GRIK4: variants seen among roughly 807,000 people sequenced by gnomAD.
GRIK4 encodes glutamate ionotropic receptor kainate type subunit 4.
Under a neutral mutation model 104.9 loss-of-function variants are expected in GRIK4, and 40 were observed. The observed-to-expected ratio is 0.38, with a 90% CI of 0.30 to 0.50. The LOEUF (loss-of-function observed/expected upper bound fraction) is 0.50, where lower values mean the gene tolerates loss of function less well. GRIK4 is among the 20% of genes least tolerant of loss of function. GRIK4 has a pLI of 0.93. For synonymous variants in GRIK4, 485 were observed against 524.9 expected, an observed-to-expected ratio of 0.92 and a Z score of 1.04; for missense variants, 1,047 against 1,308.1, an observed-to-expected ratio of 0.80 and a Z score of 3.08.
chr11:120,695,624 G>A lies in GRIK4; in HGVS notation c.82+35224G>A, dbSNP rs1393920152. Among the ~76,000 whole-genome samples the A allele has an allele frequency of 4.0e-5, 6 of 151,810 alleles. No individual in the cohort carries two copies. In the East Asian group the frequency reaches 5.8e-4, roughly 15 times the overall value. On this transcript the variant is annotated intron_variant, in intron 3 of 20. Transcript: ENST00000527524. ...TACCCACTGCCTCCCAGGCCTGGAC[G>A]GCCGCCACGGGTGGGAGGCAGGGCT...
At chr11:120,613,620 G>A (rs1949066770) in intron 1 of GRIK4, among the ~76,000 whole-genome samples, 1 of 152,246 alleles carries the variant, frequency 6.6e-6, no homozygotes, top group African/African-American at 2.4e-5. Flanking sequence ...ATGATGTGCA[G>A]GGATTCATGC....
chr11:120,644,044 T>TGTGTGTGAGA (rs1446673011), intron 1 of GRIK4, among the ~76,000 whole-genome samples: 16 of 112,638 alleles, frequency 1.4e-4, no homozygotes, highest in African/African-American at 5.7e-4. Flanking sequence ...TGTGTGTGTG[T>TGTGTGTGAGA]GAGAGAGAGA....
At chr11:120,691,584 C>G (rs919283636) in intron 3 of GRIK4, among the ~76,000 whole-genome samples, 1 of 152,186 alleles carries the variant, frequency 6.6e-6, no homozygotes, top group African/African-American at 2.4e-5. Context: ...CTCTATGCAG[C>G]CTCCTTTAAA....
chr11:120,985,856 A>AC, intron 20 of GRIK4, 48 bp from the exon 21 acceptor site: 1 of 1,540,020 alleles, frequency 6.5e-7, no homozygotes, highest in Non-Finnish European at 8.8e-7. Context: ...CAGGGGGCCC[A>AC]CGGGGGCTGG....
At chr11:120,591,367 G>A (rs943909673) in intron 1 of GRIK4, among the ~76,000 whole-genome samples, 3 of 152,168 alleles carry the variant, frequency 2.0e-5, no homozygotes, top group South Asian at 2.1e-4. Flanking sequence ...GATGGGCCTA[G>A]GCATGACTGT....
rs114087471 is a variant in GRIK4, at chr11:120,919,131, A to G, written c.1476+13638A>G. On this transcript the variant is annotated intron_variant, in intron 13 of 20. Transcript: ENST00000527524. The stretch of plus-strand genomic sequence containing the variant: ...GTGCCGTCAAGTCAGACCTTGATAG[A>G]CAAGTAGGAATTTGACAGGCGACAA... 7.5e-3 allele frequency among the ~76,000 whole-genome samples: 1,139 copies of G among 152,300 alleles called. 19 individuals carry two copies. Among genetic ancestry groups the G allele is most frequent in the African/African-American group, 0.026 (1,091 of 41,562 alleles).
At chr11:120,896,407 AAC>A (rs540676566) in intron 11 of GRIK4, among the ~76,000 whole-genome samples, 47 of 152,352 alleles carry the variant, frequency 3.1e-4, no homozygotes, top group African/African-American at 1.1e-3. Flanking sequence ...AAGGAACATG[AAC>A]ACACACAGAA....
chr11:120,645,583 C>T (rs1408757915), intron 1 of GRIK4, among the ~76,000 whole-genome samples: 3 of 152,196 alleles, frequency 2.0e-5, no homozygotes, highest in Admixed American at 2.0e-4. Flanking sequence ...ACTTCAATGC[C>T]AGAAATCCTT....
At chr11:120,893,967 G>T (rs751185272) in intron 11 of GRIK4, among the ~76,000 whole-genome samples, 36 of 152,298 alleles carry the variant, frequency 2.4e-4, no homozygotes, top group Admixed American at 4.6e-4. Flanking sequence ...TAGGGCCCAA[G>T]AATTTGCATT....
At chr11:120,598,734 C>T (rs1036267871) in intron 1 of GRIK4, among the ~76,000 whole-genome samples, 2 of 152,248 alleles carry the variant, frequency 1.3e-5, no homozygotes, top group African/African-American at 4.8e-5. Context: ...CTTCCTCACA[C>T]ATTCTCCATG....
intron 3 of GRIK4, among the ~76,000 whole-genome samples, chr11:120,769,402 A>G (rs546070761): frequency 6.6e-6 from 1 of 152,336 alleles, no homozygotes; most frequent in South Asian, 2.1e-4. Context: ...AAACTTTGCC[A>G]TTATAGCACA....
chr11:120,879,436 A>G (rs925030049), intron 11 of GRIK4, among the ~76,000 whole-genome samples: 1 of 152,268 alleles, frequency 6.6e-6, no homozygotes, highest in African/African-American at 2.4e-5. Context: ...AGCCCCACGC[A>G]GCGACCTGCT....
chr11:120,705,639 G>A (rs938110259), intron 3 of GRIK4, among the ~76,000 whole-genome samples: 2 of 152,178 alleles, frequency 1.3e-5, no homozygotes, highest in African/African-American at 4.8e-5. Context: ...TCCAATCCAT[G>A]AAAACGAAAT....
chr11:120,536,651 T>C (rs369671094), intron 1 of GRIK4, among the ~76,000 whole-genome samples: 35 of 152,236 alleles, frequency 2.3e-4, no homozygotes, highest in African/African-American at 7.7e-4. Context: ...GGTTGACGTA[T>C]GTATTGATGG....
chr11:120,664,049 C>T (rs2135248400), intron 3 of GRIK4, among the ~76,000 whole-genome samples: 1 of 152,316 alleles, frequency 6.6e-6, no homozygotes, highest in Admixed American at 6.5e-5. Context: ...GGGCCCAACA[C>T]ATGATGCAAA....
At chr11:120,740,507 A>G (rs2135407116) in intron 3 of GRIK4, among the ~76,000 whole-genome samples, 1 of 152,278 alleles carries the variant, frequency 6.6e-6, no homozygotes, top group East Asian at 1.9e-4. Context: ...GACTCTGAGC[A>G]TCATGCCTCA....
intron 14 of GRIK4, among the ~76,000 whole-genome samples, chr11:120,942,458 C>T (rs1240402070): frequency 6.6e-6 from 1 of 152,212 alleles, no homozygotes; most frequent in East Asian, 1.9e-4. Flanking sequence ...CTCAACTAGG[C>T]TCTGGCCTTG....
At chr11:120,731,502 A>G (rs896025797) in intron 3 of GRIK4, among the ~76,000 whole-genome samples, 9 of 152,148 alleles carry the variant, frequency 5.9e-5, no homozygotes, top group African/African-American at 1.9e-4. Context: ...ATCAGTAGTT[A>G]TTAGTGATAC....
intron 3 of GRIK4, among the ~76,000 whole-genome samples, chr11:120,789,242 T>A (rs1275288260): frequency 6.6e-6 from 1 of 152,118 alleles, no homozygotes; most frequent in Non-Finnish European, 1.5e-5. Context: ...CCGAACTTAA[T>A]AAATACTACA....
Sources: allele counts gnomAD v4.1 joint callset (sites outside exome capture counted in the v4.1 genomes callset), GRCh38; gene constraint gnomAD v4.1.1; transcripts MANE v1.5; gene names NCBI Gene and HGNC (gene_info 2026-07-23, HGNC 2026-07-21).